The following ANKDD1A variants were observed in gnomAD, a reference collection of about 807,000 sequenced individuals.
The protein encoded by ANKDD1A is ankyrin repeat and death domain-containing protein 1A.
ANKDD1A carries 59 observed loss-of-function variants against 63.5 expected under a neutral mutation model. That is an observed-to-expected ratio of 0.93 (90% confidence interval 0.75 to 1.15). ANKDD1A has a LOEUF of 1.15. ANKDD1A is among the 50% of genes most tolerant of loss of function. The pLI, the probability that ANKDD1A is intolerant of heterozygous loss-of-function variation, is 0.00. For synonymous variants in ANKDD1A, 266 were observed against 263.9 expected, an observed-to-expected ratio of 1.01 and a Z score of -0.08; for missense variants, 632 against 656.4, an observed-to-expected ratio of 0.96 and a Z score of 0.41.
At chr15:64,953,604 T>TTCTCTCC (rs2085349110) in intron 14 of ANKDD1A, among the ~76,000 whole-genome samples, 9 of 71,064 alleles carry the variant, frequency 1.3e-4, no homozygotes, top group South Asian at 6.3e-4. Flanking sequence ...CCTTTTCTTC[T>TTCTCTCC]TTCTTCTCTC....
intron 13 of ANKDD1A, among the ~76,000 whole-genome samples, chr15:64,948,150 AAT>A (rs2140382777): frequency 6.6e-6 from 1 of 152,132 alleles, no homozygotes; most frequent in Non-Finnish European, 1.5e-5. Context: ...ATGGGCAAAA[AAT>A]ATAGAGAGAG....
chr15:64,934,501 T>C (rs1423259727), intron 9 of ANKDD1A, among the ~76,000 whole-genome samples: 1 of 128,024 alleles, frequency 7.8e-6, no homozygotes, highest in Non-Finnish European at 1.6e-5. Flanking sequence ...TTTTCTTTTC[T>C]TTTTTTTTTT....
At chr15:64,949,820 C>A (rs779294006) in intron 13 of ANKDD1A, 21 bp from the exon 14 acceptor site, 5 of 1,597,760 alleles carry the variant, frequency 3.1e-6, no homozygotes, top group Non-Finnish European at 4.2e-6. Flanking sequence ...CCCTCTCTCT[C>A]TCCTCCCTCA....
chr15:64,954,531 CCTCCTTCTCCTTCTTCTTT>C (rs1480585955), intron 14 of ANKDD1A, among the ~76,000 whole-genome samples: 2 of 20,896 alleles, frequency 9.6e-5, no homozygotes. Flanking sequence ...TCTCCTTCTT[CCTCCTTCTCCTTCTTCTTT>C]TCTTCTTCCT....
intron 3 of ANKDD1A, among the ~76,000 whole-genome samples, chr15:64,918,953 CA>C (rs941866363): frequency 1.8e-3 from 237 of 132,022 alleles, no homozygotes; most frequent in African/African-American, 2.4e-3. Flanking sequence ...GACTCTGTCT[CA>C]AAAAAAAAAA....
chr15:64,938,281 G>T (rs774622391), intron 9 of ANKDD1A, among the ~76,000 whole-genome samples: 1 of 152,116 alleles, frequency 6.6e-6, no homozygotes, highest in Non-Finnish European at 1.5e-5. Flanking sequence ...AGTGCAGTAC[G>T]GGAAGAGGAA....
intron 1 of ANKDD1A, among the ~76,000 whole-genome samples, chr15:64,915,060 T>G (rs2140363088): frequency 6.6e-6 from 1 of 152,316 alleles, no homozygotes; most frequent in African/African-American, 2.4e-5. Flanking sequence ...ATCCCAGCAC[T>G]TTGGGAGGCC....
At chr15:64,951,395 C>CTCTTTTT (rs1380271370) in intron 14 of ANKDD1A, 5 of 104,000 alleles carry the variant, frequency 4.8e-5, no homozygotes, top group African/African-American at 3.2e-4. Context: ...TTTCTTCTTC[C>CTCTTTTT]TCTTTTTTCT....
intron 14 of ANKDD1A, among the ~76,000 whole-genome samples, chr15:64,954,392 TTCTTCTTCCTTCC>T (rs1327222096): frequency 8.2e-6 from 1 of 121,550 alleles, no homozygotes; most frequent in Non-Finnish European, 1.8e-5. Flanking sequence ...TTCTTCTTCT[TTCTTCTTCCTTCC>T]TCTTCTTCCT....
At chr15:64,951,411 C>A (rs1214971293) in intron 14 of ANKDD1A, 5 of 71,150 alleles carry the variant, frequency 7.0e-5, no homozygotes, top group African/African-American at 1.1e-4. Context: ...TTTCTTTTTT[C>A]TTTTCTTCCT....
rs1308622611 is a variant in ANKDD1A at position 64,953,130 on chromosome 15, TTCC to T, written c.1483+3160_1483+3162del. 1.2e-4 allele frequency among the ~76,000 whole-genome samples: 14 copies of T among 121,170 alleles called. No individual in the cohort carries two copies. In the South Asian group the frequency reaches 3.9e-3, roughly 34 times the overall value. 79.5% of individuals were successfully genotyped at this position (121,170 alleles called of 152,430 possible). On this transcript the variant is annotated intron_variant, in intron 14 of 14. Coordinates refer to ENST00000319580, the MANE Select transcript of ANKDD1A (RefSeq NM_182703.6). ...CTTTCTTCCGCTTTCTACTTTCTTC[TTCC>T]TTTTTTCTTCCTTTTTCTCCTTTCT...
At chr15:64,922,339 C>T (rs906185306) in intron 4 of ANKDD1A, 9 of 283,908 alleles carry the variant, frequency 3.2e-5, no homozygotes, top group Non-Finnish European at 4.7e-5. Flanking sequence ...GTGCTCAGTG[C>T]GGTGGGGTGA....
At chr15:64,952,615 TCTC>T (rs2085314389) in intron 14 of ANKDD1A, among the ~76,000 whole-genome samples, 3 of 143,578 alleles carry the variant, frequency 2.1e-5, no homozygotes, top group African/African-American at 5.5e-5. Context: ...TTCTTCCTCC[TCTC>T]CTTCTTCGTC....
intron 4 of ANKDD1A, among the ~76,000 whole-genome samples, chr15:64,925,227 CAAAAAA>C (rs769786433): frequency 1.2e-4 from 5 of 42,594 alleles, no homozygotes; most frequent in African/African-American, 4.0e-4. Flanking sequence ...GACTCCGACT[CAAAAAA>C]AAAAAAAAAA....
chr15:64,943,460 C>T, intron 10 of ANKDD1A, 24 bp from the exon 11 acceptor site: 3 of 1,610,690 alleles, frequency 1.9e-6, no homozygotes, highest in Non-Finnish European at 2.5e-6. Context: ...TTTCACTTAC[C>T]TATTCCCTTG....
chr15:64,917,248 G>A (rs1317253657), intron 2 of ANKDD1A, 138 bp from the exon 3 acceptor site: 1 of 1,155,944 alleles, frequency 8.7e-7, no homozygotes, highest in East Asian at 2.7e-5. Flanking sequence ...ATGGGGCTGG[G>A]TCCCCAGCTA....
chr15:64,951,227 C>T lies in ANKDD1A; in HGVS notation c.1483+1255C>T, dbSNP rs564626065. On this transcript the variant is annotated intron_variant, in intron 14 of 14. Transcript: ENST00000319580. Reference sequence around the variant, plus strand: ...TGGGTCCAAGGGCCTGTAATCCCGTCCAACAGGTATGGTCCTTTTGAGCTC... The same window carrying T: ...TGGGTCCAAGGGCCTGTAATCCCGTTCAACAGGTATGGTCCTTTTGAGCTC... The T allele has an allele frequency of 1.6e-5, 16 of 990,020 alleles. No homozygotes were observed. In the Admixed American group the frequency reaches 3.1e-4, roughly 19 times the overall value. 61.3% of individuals were successfully genotyped at this position (990,020 alleles called of 1,614,324 possible).
At chr15:64,954,406 T>TCCTCCTTC (rs2085384702) in intron 14 of ANKDD1A, among the ~76,000 whole-genome samples, 1 of 144,240 alleles carries the variant, frequency 6.9e-6, no homozygotes, top group African/African-American at 2.7e-5. Flanking sequence ...TCTTCCTTCC[T>TCCTCCTTC]CTTCTTCCTC....
chr15:64,942,343 A>G lies in ANKDD1A; in HGVS notation c.868-124A>G, dbSNP rs796727780. On this transcript the variant is annotated intron_variant, in intron 9 of 14. Transcript: ENST00000319580. ...TTGCCTAAGGCCACCCATGTCATCC[A>G]AGAAGCTAAAAGGGCCAAACCCAGA... 21 of 612,910 alleles carry G rather than the reference A, an allele frequency of 3.4e-5. No homozygotes were observed. In the African/African-American group the frequency reaches 3.7e-4, roughly 11 times the overall value. 38.0% of individuals were successfully genotyped at this position (612,910 alleles called of 1,614,324 possible).
Sources: allele counts gnomAD v4.1 joint callset (sites outside exome capture counted in the v4.1 genomes callset), GRCh38; gene constraint gnomAD v4.1.1; transcripts MANE v1.5; gene names NCBI Gene and HGNC (gene_info 2026-07-23, HGNC 2026-07-21).